GFRA1: variants seen among roughly 807,000 people sequenced by gnomAD.
GFRA1 encodes the protein GDNF family receptor alpha 1.
GFRA1 carries 16 observed loss-of-function variants against 51.6 expected under a neutral mutation model. The observed-to-expected ratio is 0.31, with a 90% CI of 0.21 to 0.47. The LOEUF is 0.47. Ranked by LOEUF, GFRA1 falls within the 20% of genes least tolerant of loss-of-function variation. The pLI is 1.00. For synonymous variants in GFRA1, 270 were observed against 241.3 expected (o/e 1.12, Z -1.10); for missense variants, 530 against 594.3 (o/e 0.89, Z 1.13).
intron 9 of GFRA1, among the ~76,000 whole-genome samples, chr10:116,068,540 G>A (rs1955224893): frequency 6.6e-6 from 1 of 152,164 alleles, no homozygotes; most frequent in Non-Finnish European, 1.5e-5. Flanking sequence ...TGCAGAGAGA[G>A]GGTCAGAGCC....
intron 3 of GFRA1, among the ~76,000 whole-genome samples, chr10:116,270,620 C>T (rs1843828605): frequency 6.6e-6 from 1 of 152,216 alleles, no homozygotes; most frequent in Non-Finnish European, 1.5e-5. Flanking sequence ...CCGTCCTCCT[C>T]ATGGGTTTTC....
rs576705528 is a variant in GFRA1 at position 116,075,118 on chromosome 10, G to A, written c.1198-9492C>T. The stretch of plus-strand genomic sequence containing the variant: ...GGCCTTACTGCCCTCTGGACCACAG[G>A]TGCAGGTGGCCTAATGGCTTTTCCC... On this transcript the variant is annotated intron_variant, in intron 9 of 10. Transcript: ENST00000355422. 8.5e-5 allele frequency among the ~76,000 whole-genome samples: 13 copies of A among 152,232 alleles called. No homozygotes were observed. The East Asian group carries it at 2.3e-3, about 27-fold the overall frequency.
At chr10:116,139,241 T>C (rs1228790217) in intron 5 of GFRA1, among the ~76,000 whole-genome samples, 1 of 152,222 alleles carries the variant, frequency 6.6e-6, no homozygotes, top group East Asian at 1.9e-4. Flanking sequence ...AACGTGGCAT[T>C]CCTGAGCTTT....
intron 5 of GFRA1, among the ~76,000 whole-genome samples, chr10:116,130,115 A>G (rs1958046667): frequency 6.6e-6 from 1 of 151,682 alleles, no homozygotes; most frequent in South Asian, 2.1e-4. Context: ...GGAATATAAC[A>G]AAAGACATGC....
chr10:116,091,127 A>G (rs1481791693), intron 8 of GFRA1, among the ~76,000 whole-genome samples: 1 of 152,222 alleles, frequency 6.6e-6, no homozygotes, highest in Non-Finnish European at 1.5e-5. Context: ...TGTAGATTCA[A>G]GAGACTCACA....
chr10:116,239,018 C>T (rs189840584), intron 4 of GFRA1, among the ~76,000 whole-genome samples: 3 of 152,262 alleles, frequency 2.0e-5, no homozygotes, highest in Admixed American at 1.3e-4. Context: ...TCAGCCATGT[C>T]CAGCTATATT....
At chr10:116,218,323 G>A (rs966021645) in intron 4 of GFRA1, among the ~76,000 whole-genome samples, 5 of 152,138 alleles carry the variant, frequency 3.3e-5, no homozygotes, top group Admixed American at 1.3e-4. Context: ...GGTAGGTAAG[G>A]GTCAAAAGAG....
In GFRA1 at chr10:116,062,160, C is replaced by T; in HGVS notation, c.*2238G>A. ...TTTGGTCATCTGATGCTAATTAGAG[C>T]TGCTGTTACTGCAGAAGTAATCAGT... On this transcript the variant is annotated 3_prime_UTR_variant, in exon 11 of 11. Transcript: ENST00000355422. The T allele has an allele frequency of 2.5e-6, 1 of 398,528 alleles. No homozygotes were observed. The highest frequency in any genetic ancestry group is 4.4e-5 in the Admixed American group (1 of 22,732). 24.7% of individuals were successfully genotyped at this position (398,528 alleles called of 1,614,324 possible). A position where few individuals can be genotyped will look rare whatever the true frequency, so the allele number is the denominator to read the frequency against.
intron 8 of GFRA1, among the ~76,000 whole-genome samples, chr10:116,092,075 G>A (rs1175611130): frequency 7.2e-6 from 1 of 137,948 alleles, no homozygotes; most frequent in Admixed American, 7.4e-5. Flanking sequence ...ATGTGAAAAA[G>A]AGGAAATATA....
chr10:116,111,574 C>T (rs569542818), intron 6 of GFRA1, among the ~76,000 whole-genome samples: 2 of 152,180 alleles, frequency 1.3e-5, no homozygotes, highest in African/African-American at 4.8e-5. Flanking sequence ...ACAGCAGGGG[C>T]TCCCTCTCCT....
chr10:116,126,667 G>A (rs1050810299), intron 5 of GFRA1, among the ~76,000 whole-genome samples: 13 of 152,338 alleles, frequency 8.5e-5, no homozygotes, highest in Middle Eastern at 3.4e-3. Context: ...GACAAGCACT[G>A]CACAGCTGTG....
chr10:116,208,475 G>GGT (rs1310429575), intron 5 of GFRA1, among the ~76,000 whole-genome samples: 1 of 152,038 alleles, frequency 6.6e-6, no homozygotes, highest in African/African-American at 2.4e-5. Context: ...GTGTTTGAGG[G>GGT]GTATGGCAAA....
chr10:116,189,022 G>T (rs1243764653), intron 5 of GFRA1, among the ~76,000 whole-genome samples: 1 of 151,544 alleles, frequency 6.6e-6, no homozygotes, highest in Non-Finnish European at 1.5e-5. Context: ...TGGGAGGCTG[G>T]GGCAGGAGGA....
At chr10:116,229,572 G>A (rs996873532) in intron 4 of GFRA1, among the ~76,000 whole-genome samples, 13 of 152,122 alleles carry the variant, frequency 8.5e-5, no homozygotes, top group African/African-American at 2.7e-4. Context: ...TCCTAAGAGT[G>A]CAACCCTTCC....
At chr10:116,256,788 A>G (rs144868323) in intron 4 of GFRA1, among the ~76,000 whole-genome samples, 414 of 152,348 alleles carry the variant, frequency 2.7e-3, no homozygotes, top group Middle Eastern at 6.8e-3. Context: ...CAGAGGAAGA[A>G]AACAGTAAAT....
chr10:116,217,270 G>A (rs117280362), intron 4 of GFRA1, among the ~76,000 whole-genome samples: 768 of 152,212 alleles, frequency 5.0e-3, no homozygotes, highest in Non-Finnish European at 9.5e-3. Context: ...GTGGACACCC[G>A]GAGTAATCAC....
intron 5 of GFRA1, among the ~76,000 whole-genome samples, chr10:116,142,148 C>T (rs901054215): frequency 3.9e-5 from 6 of 152,084 alleles, no homozygotes; most frequent in Non-Finnish European, 8.8e-5. Flanking sequence ...TCATTGTGGG[C>T]ATTTGTCACA....
At chr10:116,217,878 T>C (rs1965666824) in intron 4 of GFRA1, among the ~76,000 whole-genome samples, 4 of 152,194 alleles carry the variant, frequency 2.6e-5, no homozygotes, top group African/African-American at 9.7e-5. Context: ...ATTATAGTAT[T>C]ATTATTCAAA....
Position 116,121,310 on chromosome 10 carries a change from G to A in GFRA1, c.770+3911C>T, listed in dbSNP as rs114173313. ...AGGCACTGCTTCGGGGGAAGACTGT[G>A]AGGCTTTGAAATTCCATCACACCCT... On this transcript the variant is annotated intron_variant, in intron 6 of 10. Transcript: ENST00000355422. Among the ~76,000 whole-genome samples, 367 of 152,274 alleles carry A rather than the reference G, an allele frequency of 2.4e-3. 2 individuals are homozygous for A. Among genetic ancestry groups the A allele is most frequent in the African/African-American group, 8.0e-3 (334 of 41,550 alleles).
Sources: allele counts gnomAD v4.1 joint callset (sites outside exome capture counted in the v4.1 genomes callset), GRCh38; gene constraint gnomAD v4.1.1; transcripts MANE v1.5; gene names NCBI Gene and HGNC (gene_info 2026-07-23, HGNC 2026-07-21).